Variants in SLC25A21 observed in about 807,000 individuals in gnomAD.
SLC25A21 encodes the protein solute carrier family 25 member 21.
Under a neutral mutation model 43.8 loss-of-function variants are expected in SLC25A21, and 47 were observed. That is an observed-to-expected ratio of 1.07 (90% CI 0.85 to 1.37). The LOEUF (loss-of-function observed/expected upper bound fraction) is 1.37. SLC25A21 is among the 40% of genes most tolerant of loss of function. SLC25A21 has a pLI of 0.00. For synonymous variants in SLC25A21, 131 were observed against 121.3 expected, an observed-to-expected ratio of 1.08 and a Z score of -0.52; for missense variants, 352 against 350.2, an observed-to-expected ratio of 1.00 and a Z score of -0.04.
chr14:36,963,726 A>G (rs1353694617), intron 1 of SLC25A21, among the ~76,000 whole-genome samples: 1 of 152,146 alleles, frequency 6.6e-6, no homozygotes, highest in Non-Finnish European at 1.5e-5. Context: ...CCGACTTCGC[A>G]AGCCTGCTCA....
chr14:37,133,603 CT>C (rs1363294231), intron 1 of SLC25A21, among the ~76,000 whole-genome samples: 3 of 151,980 alleles, frequency 2.0e-5, no homozygotes, highest in African/African-American at 7.2e-5. Context: ...CACATCCCCC[CT>C]TGTAAACAAA....
chr14:36,958,269 AAG>A (rs1959394407), intron 1 of SLC25A21, among the ~76,000 whole-genome samples: 1 of 152,162 alleles, frequency 6.6e-6, no homozygotes, highest in South Asian at 2.1e-4. Context: ...GGGCCCTCCT[AAG>A]ACAGACAAGA....
intron 6 of SLC25A21, among the ~76,000 whole-genome samples, chr14:36,723,222 T>C (rs1043251544): frequency 3.3e-5 from 5 of 152,236 alleles, no homozygotes; most frequent in Non-Finnish European, 5.9e-5. Flanking sequence ...TCAGACATTT[T>C]CTACAATAGT....
intron 1 of SLC25A21, among the ~76,000 whole-genome samples, chr14:36,892,899 TAGTATTCCATGGTGTATATGTGCC>T (rs2138585236): frequency 6.6e-6 from 1 of 152,296 alleles, no homozygotes; most frequent in East Asian, 1.9e-4. Context: ...TATGGCTGCA[TAGTATTCCATGGTGTATATGTGCC>T]ACATTTTCTT....
intron 1 of SLC25A21, among the ~76,000 whole-genome samples, chr14:36,946,775 C>T (rs1203597342): frequency 1.3e-5 from 2 of 152,136 alleles, no homozygotes; most frequent in Non-Finnish European, 2.9e-5. Context: ...AATAATTCCT[C>T]CAGGATGTCA....
intron 3 of SLC25A21, among the ~76,000 whole-genome samples, chr14:36,758,734 A>G (rs1429566706): frequency 6.6e-6 from 1 of 152,116 alleles, no homozygotes; most frequent in Non-Finnish European, 1.5e-5. Context: ...TACCCCAAAG[A>G]CTGATAGGGA....
intron 9 of SLC25A21, among the ~76,000 whole-genome samples, chr14:36,681,927 G>A (rs1882285273): frequency 1.3e-5 from 2 of 152,144 alleles, no homozygotes; most frequent in African/African-American, 4.8e-5. Context: ...GGTAATCGCT[G>A]CATTTATTCT....
At chr14:36,776,850 T>A (rs182180365) in intron 3 of SLC25A21, among the ~76,000 whole-genome samples, 1 of 152,168 alleles carries the variant, frequency 6.6e-6, no homozygotes, top group Non-Finnish European at 1.5e-5. Context: ...CCTTCACACA[T>A]CCTGTCTCAG....
chr14:37,033,099 C>G (rs1961254723), intron 1 of SLC25A21, among the ~76,000 whole-genome samples: 1 of 152,134 alleles, frequency 6.6e-6, no homozygotes, highest in Non-Finnish European at 1.5e-5. Flanking sequence ...ACAAAACTAA[C>G]ACTCTATACC....
At chr14:36,917,913 T>C (rs776184963) in intron 1 of SLC25A21, among the ~76,000 whole-genome samples, 12 of 152,154 alleles carry the variant, frequency 7.9e-5, no homozygotes, top group Non-Finnish European at 1.5e-4. Flanking sequence ...TTAAATGTTC[T>C]CATCTGAAAA....
chr14:37,039,870 C>T (rs550831105), intron 1 of SLC25A21, among the ~76,000 whole-genome samples: 1 of 151,964 alleles, frequency 6.6e-6, no homozygotes, highest in East Asian at 1.9e-4. Flanking sequence ...TGAGGCTAAG[C>T]TTGAGGCAGG....
chr14:36,815,109 A>T (rs142721861), intron 2 of SLC25A21, among the ~76,000 whole-genome samples: 314 of 152,322 alleles, frequency 2.1e-3, no homozygotes, highest in African/African-American at 7.2e-3. Context: ...CATAAGTGGG[A>T]GTTGAACAAC....
intron 1 of SLC25A21, among the ~76,000 whole-genome samples, chr14:36,975,731 T>C (rs1439696375): frequency 6.6e-6 from 1 of 152,168 alleles, no homozygotes; most frequent in African/African-American, 2.4e-5. Flanking sequence ...GTGAGGCAGG[T>C]TACTGTCTCC....
intron 1 of SLC25A21, among the ~76,000 whole-genome samples, chr14:37,123,429 C>A (rs1963244922): frequency 6.6e-6 from 1 of 152,166 alleles, no homozygotes; most frequent in South Asian, 2.1e-4. Flanking sequence ...TAGAAAGCAA[C>A]AACCAATGTG....
intron 1 of SLC25A21, among the ~76,000 whole-genome samples, chr14:37,028,267 T>C (rs1339786602): frequency 6.6e-6 from 1 of 152,110 alleles, no homozygotes; most frequent in Non-Finnish European, 1.5e-5. Context: ...AAAATTATAA[T>C]GAAAAAGCAC....
chr14:36,771,326 T>C (rs1050625799), intron 3 of SLC25A21, among the ~76,000 whole-genome samples: 1 of 152,188 alleles, frequency 6.6e-6, no homozygotes, highest in African/African-American at 2.4e-5. Context: ...AATCGTATTT[T>C]TGCAATTGTC....
At chr14:37,051,000 T>G (rs1360268808) in intron 1 of SLC25A21, among the ~76,000 whole-genome samples, 1 of 149,856 alleles carries the variant, frequency 6.7e-6, no homozygotes, top group Non-Finnish European at 1.5e-5. Flanking sequence ...ACACCACAGT[T>G]ACTCTCAATC....
At chr14:36,861,074 T>C (rs1890052623) in intron 2 of SLC25A21, among the ~76,000 whole-genome samples, 1 of 152,196 alleles carries the variant, frequency 6.6e-6, no homozygotes, top group Non-Finnish European at 1.5e-5. Context: ...AACTTCTTCA[T>C]TATGTCAAAA....
At chr14:36,774,048 C>T (rs548288655) in intron 3 of SLC25A21, among the ~76,000 whole-genome samples, 1 of 152,302 alleles carries the variant, frequency 6.6e-6, no homozygotes, top group South Asian at 2.1e-4. Context: ...AGCTCCAATG[C>T]CACACTCCTT....
Sources: allele counts gnomAD v4.1 joint callset (sites outside exome capture counted in the v4.1 genomes callset), GRCh38; gene constraint gnomAD v4.1.1; transcripts MANE v1.5; gene names NCBI Gene and HGNC (gene_info 2026-07-23, HGNC 2026-07-21).